SVOP: variants seen among roughly 807,000 people sequenced by gnomAD.
SVOP encodes the protein synaptic vesicle 2-related protein.
Under a neutral mutation model 69.1 loss-of-function variants are expected in SVOP, and 17 were observed. That is an observed-to-expected ratio of 0.25 (90% CI 0.17 to 0.37). SVOP has a LOEUF of 0.37. Among genes scored for constraint, SVOP ranks in the 10% least tolerant of loss-of-function variants. The pLI, the probability that SVOP is intolerant of heterozygous loss-of-function variation, is 1.00. For synonymous variants in SVOP, 238 were observed against 238.6 expected (o/e 1.00, Z 0.02); for missense variants, 435 against 597.5 (o/e 0.73, Z 2.84).
At position 108,936,668 on chromosome 12, in the gene SVOP, G is replaced by A. The variant is rs182835764; in HGVS notation, c.971+596C>T. ...TTTAAACATTTTTTGTAGAGACAGG[G>A]TTTTACCGTGTTGCCCAGCCTGGTC... On this transcript the variant is annotated intron_variant, in intron 10 of 15. Transcript: ENST00000610966. Among the ~76,000 whole-genome samples, 1,031 of 152,248 alleles carry A rather than the reference G, an allele frequency of 6.8e-3. 5 individuals are homozygous for A. Among genetic ancestry groups the A allele is most frequent in the Non-Finnish European group, 0.011 (766 of 68,018 alleles).
chr12:108,963,288 T>A (rs898190685), intron 5 of SVOP, among the ~76,000 whole-genome samples: 3 of 152,096 alleles, frequency 2.0e-5, no homozygotes, highest in Non-Finnish European at 4.4e-5. Context: ...TTAAAGGAGA[T>A]GAGTGAGGAA....
intron 5 of SVOP, among the ~76,000 whole-genome samples, chr12:108,968,744 TTGTGTG>T (rs554473073): frequency 0.16 from 23,304 of 149,728 alleles, 2,150 homozygotes; most frequent in Middle Eastern, 0.25. Flanking sequence ...TGTTTGTCTT[TTGTGTG>T]TGTGTGTGTG....
chr12:108,957,100 G>A (rs370439670), intron 6 of SVOP, among the ~76,000 whole-genome samples: 7 of 152,144 alleles, frequency 4.6e-5, no homozygotes, highest in Admixed American at 3.3e-4. Context: ...TTCTGGGCTC[G>A]GTGGGTCTAG....
intron 1 of SVOP, among the ~76,000 whole-genome samples, chr12:108,999,726 G>A (rs1443218857): frequency 6.7e-5 from 10 of 148,526 alleles, no homozygotes; most frequent in African/African-American, 1.7e-4. Flanking sequence ...GATACATAAC[G>A]AAATGAAGGC....
chr12:108,961,122 C>G, intron 5 of SVOP, 75 bp from the exon 6 acceptor site: 1 of 1,462,182 alleles, frequency 6.8e-7, no homozygotes, highest in South Asian at 1.4e-5. Flanking sequence ...CACTGAGAGC[C>G]GCCGATAATG....
At chr12:109,013,285 G>GA (rs979708313) in intron 1 of SVOP, among the ~76,000 whole-genome samples, 2 of 151,414 alleles carry the variant, frequency 1.3e-5, no homozygotes, top group African/African-American at 4.8e-5. Flanking sequence ...TACGTGCTAT[G>GA]AAAAAAAGAA....
intron 5 of SVOP, among the ~76,000 whole-genome samples, chr12:108,969,162 C>T (rs957961208): frequency 2.6e-5 from 4 of 152,156 alleles, no homozygotes; most frequent in South Asian, 2.1e-4. Flanking sequence ...GTTCTTTTAA[C>T]GGCTGCTCAG....
chr12:109,020,751 T>TGGGGGGG, intron 1 of SVOP, 83 bp downstream of exon 1: 2 of 398,290 alleles, frequency 5.0e-6, no homozygotes, highest in African/African-American at 2.2e-5. Context: ...CATGCAGAGA[T>TGGGGGGG]GTACCCCCCC....
At chr12:108,952,230 C>CTTTTTTTTTTTTTTTTTTT (rs36191772) in intron 6 of SVOP, among the ~76,000 whole-genome samples, 9 of 98,396 alleles carry the variant, frequency 9.1e-5, no homozygotes, top group East Asian at 3.5e-4. Context: ...TTTCTTTTCT[C>CTTTTTTTTTTTTTTTTTTT]TTTTTTTTTT....
At chr12:109,007,202 C>T (rs902020810) in intron 1 of SVOP, among the ~76,000 whole-genome samples, 6 of 152,152 alleles carry the variant, frequency 3.9e-5, no homozygotes, top group African/African-American at 1.4e-4. Flanking sequence ...CAGCTTTGTC[C>T]CAGATACCCT....
chr12:108,937,032 A>G, intron 10 of SVOP: 1 of 514,344 alleles, frequency 1.9e-6, no homozygotes, highest in Non-Finnish European at 3.5e-6. Flanking sequence ...ACTGCACTCC[A>G]GCCTGCACGG....
intron 11 of SVOP, among the ~76,000 whole-genome samples, chr12:108,930,435 CTTTTTTTTTT>C (rs35584030): frequency 8.5e-6 from 1 of 117,616 alleles, no homozygotes; most frequent in Non-Finnish European, 1.7e-5. Context: ...CAGTTGATTG[CTTTTTTTTTT>C]TTTTTTTTTT....
chr12:108,989,174 A>C (rs1035131987), intron 1 of SVOP, among the ~76,000 whole-genome samples: 1 of 151,732 alleles, frequency 6.6e-6, no homozygotes, highest in Non-Finnish European at 1.5e-5. Context: ...GATTCAAGTG[A>C]TCCTCCTGCC....
At chr12:108,937,849 T>C (rs1325431325) in intron 9 of SVOP, among the ~76,000 whole-genome samples, 2 of 152,228 alleles carry the variant, frequency 1.3e-5, no homozygotes, top group Non-Finnish European at 2.9e-5. Flanking sequence ...TGCTTTACGA[T>C]GTTCTTTAAA....
chr12:109,009,707 G>T (rs759498168), intron 1 of SVOP, among the ~76,000 whole-genome samples: 3 of 152,106 alleles, frequency 2.0e-5, no homozygotes, highest in African/African-American at 7.2e-5. Context: ...GAGCCATGGC[G>T]CCTGGCCCTA....
chr12:108,960,045 A>G (rs2040008761), intron 6 of SVOP, among the ~76,000 whole-genome samples: 1 of 152,238 alleles, frequency 6.6e-6, no homozygotes, highest in Non-Finnish European at 1.5e-5. Flanking sequence ...CGTTTAGAAC[A>G]GCACCTGCCA....
chr12:109,013,578 A>T (rs1359256439), intron 1 of SVOP, among the ~76,000 whole-genome samples: 1 of 151,988 alleles, frequency 6.6e-6, no homozygotes, highest in Non-Finnish European at 1.5e-5. Context: ...TTTAGTAGAG[A>T]CGGTTTTCAC....
intron 10 of SVOP, among the ~76,000 whole-genome samples, chr12:108,935,085 A>G (rs2039848317): frequency 6.6e-6 from 1 of 152,200 alleles, no homozygotes; most frequent in Non-Finnish European, 1.5e-5. Context: ...AACACCTCCA[A>G]GGCTGTCTAC....
At chr12:108,980,514 C>T (rs1396926376) in intron 2 of SVOP, among the ~76,000 whole-genome samples, 1 of 151,212 alleles carries the variant, frequency 6.6e-6, no homozygotes, top group Non-Finnish European at 1.5e-5. Flanking sequence ...TTTGGGAGGC[C>T]AAGGCGAGCA....
Sources: allele counts gnomAD v4.1 joint callset (sites outside exome capture counted in the v4.1 genomes callset), GRCh38; gene constraint gnomAD v4.1.1; transcripts MANE v1.5; gene names NCBI Gene and HGNC (gene_info 2026-07-23, HGNC 2026-07-21).